ACTR3C: variants seen among roughly 807,000 people sequenced by gnomAD.
ACTR3C encodes the protein actin-related protein 3C.
In ACTR3C, 18 loss-of-function variants were observed where a neutral mutation model predicts 26.3. The ratio of observed to expected loss-of-function variants is 0.68; its 90% confidence interval spans 0.47 to 1.01. The LOEUF (loss-of-function observed/expected upper bound fraction) is 1.01, where lower values mean the gene tolerates loss of function less well. Among genes scored for constraint, ACTR3C ranks in the 50% least tolerant of loss-of-function variants. The probability of loss-of-function intolerance (pLI) is 0.00; values close to 1 mark genes in which losing one functional copy is unlikely to be tolerated. For synonymous variants in ACTR3C, 55 were observed against 94.5 expected (o/e 0.58, Z 2.42); for missense variants, 184 against 250.7 (o/e 0.73, Z 1.80).
At chr7:150,242,895 C>G (rs540092546), downstream of ACTR3C, among the ~76,000 whole-genome samples, 6 of 152,128 alleles carry the variant, frequency 3.9e-5, no homozygotes, top group Non-Finnish European at 8.8e-5. Flanking sequence ...TTAGTTTTTT[C>G]AGCAAGAATT....
At chr7:150,041,831 G>A in the ACTR3C span, among the ~76,000 whole-genome samples, 225 of 141,566 alleles carry the variant, frequency 1.6e-3, no homozygotes, top group African/African-American at 5.8e-3. Context: ...CTAAGAGCCA[G>A]GGGTGGAAGA....
chr7:150,308,909 T>A (rs1796039918), intron 1 of ACTR3C, among the ~76,000 whole-genome samples: 1 of 152,170 alleles, frequency 6.6e-6, no homozygotes, highest in Non-Finnish European at 1.5e-5. Context: ...CTCTTTCTCA[T>A]CAGACCCCAC....
chr7:150,023,275 G>A, the ACTR3C span, among the ~76,000 whole-genome samples: 7 of 94,758 alleles, frequency 7.4e-5, no homozygotes, highest in Non-Finnish European at 1.1e-4. Context: ...ATCTCTATAT[G>A]TATATATGGA....
chr7:150,003,423 T>G, the ACTR3C span, among the ~76,000 whole-genome samples: 1 of 151,988 alleles, frequency 6.6e-6, no homozygotes, highest in Admixed American at 6.6e-5. Context: ...GCATGTAGTG[T>G]GTTATGTGGT....
At chr7:149,890,835 A>T in the ACTR3C span, 1 of 182,750 alleles carries the variant, frequency 5.5e-6, no homozygotes, top group Admixed American at 5.6e-5. Flanking sequence ...GAAATCTTCT[A>T]TCTCTGTATA....
the ACTR3C span, among the ~76,000 whole-genome samples, chr7:149,929,850 A>G: frequency 1.3e-5 from 2 of 152,186 alleles, no homozygotes; most frequent in African/African-American, 2.4e-5. Context: ...ATTAATTACA[A>G]AGAAAAATAG....
chr7:149,882,828 G>A, the ACTR3C span, among the ~76,000 whole-genome samples: 2 of 152,200 alleles, frequency 1.3e-5, no homozygotes, highest in South Asian at 4.1e-4. Flanking sequence ...CAGGGCTCAG[G>A]AATCATGGGA....
chr7:150,121,229 G>A, the ACTR3C span, among the ~76,000 whole-genome samples: 1 of 152,212 alleles, frequency 6.6e-6, no homozygotes, highest in Non-Finnish European at 1.5e-5. Flanking sequence ...GTTCTTGCCA[G>A]GGCGATCAGG....
chr7:150,287,047 G>C (rs1222120973), intron 4 of ACTR3C, among the ~76,000 whole-genome samples: 2 of 152,164 alleles, frequency 1.3e-5, no homozygotes, highest in Non-Finnish European at 2.9e-5. Flanking sequence ...CTGTCAACCT[G>C]CTGGTTGTTA....
the ACTR3C span, among the ~76,000 whole-genome samples, chr7:149,908,762 T>C: frequency 6.6e-6 from 1 of 151,898 alleles, no homozygotes; most frequent in African/African-American, 2.4e-5. Flanking sequence ...ACCTGAAATA[T>C]AGATAGTTCC....
the ACTR3C span, among the ~76,000 whole-genome samples, chr7:150,237,668 G>A: frequency 9.2e-5 from 14 of 152,146 alleles, no homozygotes; most frequent in South Asian, 2.1e-4. Flanking sequence ...CAGCATTTGC[G>A]TGCAATCACA....
At chr7:150,204,752 AG>A in the ACTR3C span, among the ~76,000 whole-genome samples, 3 of 152,158 alleles carry the variant, frequency 2.0e-5, no homozygotes, top group Non-Finnish European at 2.9e-5. Context: ...GGAACAGGCC[AG>A]GGAGGACCAG....
the ACTR3C span, among the ~76,000 whole-genome samples, chr7:149,898,042 A>C: frequency 6.6e-6 from 1 of 152,368 alleles, no homozygotes; most frequent in East Asian, 1.9e-4. Context: ...CAAAGATATC[A>C]AATTATAAAC....
the ACTR3C span, among the ~76,000 whole-genome samples, chr7:150,235,543 CTG>C: frequency 6.6e-6 from 1 of 152,208 alleles, no homozygotes; most frequent in Admixed American, 6.5e-5. Context: ...AAGCTGAAAT[CTG>C]GACAAGTCTA....
At chr7:149,952,282 A>G in the ACTR3C span, among the ~76,000 whole-genome samples, 3 of 142,962 alleles carry the variant, frequency 2.1e-5, no homozygotes, top group East Asian at 2.0e-4. Flanking sequence ...AAATCTTTCT[A>G]TTCTGAACAT....
chr7:150,036,112 A>AG, the ACTR3C span, among the ~76,000 whole-genome samples: 40 of 102,900 alleles, frequency 3.9e-4, 1 homozygote, highest in African/African-American at 1.2e-3. Context: ...GCAAAGAGCC[A>AG]GGGGGGGAAG....
the ACTR3C span, among the ~76,000 whole-genome samples, chr7:150,021,020 C>T: frequency 6.6e-6 from 1 of 151,978 alleles, no homozygotes; most frequent in East Asian, 1.9e-4. Flanking sequence ...AGGGTTTCAC[C>T]GTTTTGGCGA....
At chr7:150,175,095 A>G in the ACTR3C span, among the ~76,000 whole-genome samples, 91,197 of 138,188 alleles carry the variant, frequency 0.66, 31,917 homozygotes, top group East Asian at 0.83. Flanking sequence ...TGTGAAAGAA[A>G]CAAATAATGA....
At chr7:149,905,224 G>A in the ACTR3C span, among the ~76,000 whole-genome samples, 1 of 151,964 alleles carries the variant, frequency 6.6e-6, no homozygotes, top group Admixed American at 6.6e-5. Flanking sequence ...AGTATGGAAC[G>A]TATGGAACAC....
Sources: allele counts gnomAD v4.1 joint callset (sites outside exome capture counted in the v4.1 genomes callset), GRCh38; gene constraint gnomAD v4.1.1; transcripts MANE v1.5; gene names NCBI Gene and HGNC (gene_info 2026-07-23, HGNC 2026-07-21).